Variants in LRRK1 observed in about 807,000 individuals in gnomAD.
LRRK1 encodes the protein leucine-rich repeat serine/threonine-protein kinase 1.
Under a neutral mutation model 209.1 loss-of-function variants are expected in LRRK1, and 113 were observed. The ratio of observed to expected loss-of-function variants is 0.54; its 90% confidence interval spans 0.46 to 0.63. The LOEUF (loss-of-function observed/expected upper bound fraction) is 0.63. LRRK1 is among the 30% of genes least tolerant of loss of function. The pLI is 0.00. For synonymous variants in LRRK1, 1,144 were observed against 1,099.7 expected (o/e 1.04, Z -0.80); for missense variants, 2,284 against 2,632.2 (o/e 0.87, Z 2.89).
intron 20 of LRRK1, among the ~76,000 whole-genome samples, chr15:101,043,429 T>G (rs2141118740): frequency 8.3e-6 from 1 of 119,836 alleles, no homozygotes; most frequent in African/African-American, 2.9e-5. Flanking sequence ...TCCTTAACTT[T>G]GGTCCATGAG....
chr15:100,921,496 G>T (rs2060213936), intron 1 of LRRK1, among the ~76,000 whole-genome samples: 1 of 152,240 alleles, frequency 6.6e-6, no homozygotes, highest in African/African-American at 2.4e-5. Flanking sequence ...GGAACTAGGT[G>T]ATATGAATGA....
chr15:100,936,040 G>A (rs2042293318), intron 2 of LRRK1, among the ~76,000 whole-genome samples: 1 of 152,194 alleles, frequency 6.6e-6, no homozygotes, highest in Non-Finnish European at 1.5e-5. Context: ...ACAAGTCAAA[G>A]GCCAGTCCAG....
chr15:101,001,692 G>A (rs546548606), intron 6 of LRRK1, among the ~76,000 whole-genome samples: 71 of 152,320 alleles, frequency 4.7e-4, no homozygotes, highest in African/African-American at 1.6e-3. Flanking sequence ...CCATTGTAAC[G>A]TGTGTCTTCA....
intron 2 of LRRK1, among the ~76,000 whole-genome samples, chr15:100,952,543 T>C (rs1256178557): frequency 6.6e-6 from 1 of 152,238 alleles, no homozygotes; most frequent in African/African-American, 2.4e-5. Context: ...GATCTGATCA[T>C]ATATTTTTCC....
intron 10 of LRRK1, among the ~76,000 whole-genome samples, chr15:101,012,587 G>A (rs867496085): frequency 4.6e-5 from 7 of 152,310 alleles, no homozygotes; most frequent in Middle Eastern, 6.8e-3. Flanking sequence ...ACCCCAGAAG[G>A]GGCCCCATCA....
chr15:100,936,688 C>A (rs2042305878), intron 2 of LRRK1, among the ~76,000 whole-genome samples: 1 of 152,146 alleles, frequency 6.6e-6, no homozygotes, highest in African/African-American at 2.4e-5. Flanking sequence ...TTCTATGGGG[C>A]AACTTGGGGT....
In LRRK1 at chr15:101,074,338, G is replaced by C. The variant is rs1037037756; in HGVS notation, c.*5490G>C. The C allele has an allele frequency of 6.6e-6, 1 of 151,912 alleles. No individual in the cohort carries two copies. The highest frequency in any genetic ancestry group is 1.5e-5 in the Non-Finnish European group (1 of 68,010). 9.4% of individuals were successfully genotyped at this position (151,912 alleles called of 1,614,324 possible). ...GGCTTACAGTTTCCTTCCGTGACTA[G>C]CCCTCCCCTACCTGCCCAGCAATTT... On this transcript the variant is annotated 3_prime_UTR_variant, in exon 34 of 34. Coordinates refer to ENST00000388948, the MANE Select transcript of LRRK1 (RefSeq NM_024652.6).
At chr15:100,986,116 G>A (rs781236386) in intron 4 of LRRK1, among the ~76,000 whole-genome samples, 16 of 152,166 alleles carry the variant, frequency 1.1e-4, no homozygotes, top group Non-Finnish European at 8.8e-5. Flanking sequence ...TGAAGTGGGA[G>A]AATGGCTTAA....
At chr15:100,969,586 C>G (rs2030724348) in intron 2 of LRRK1, among the ~76,000 whole-genome samples, 1 of 151,986 alleles carries the variant, frequency 6.6e-6, no homozygotes. Context: ...CTGCACAGAT[C>G]ATCCCATCAG....
rs1267100327 is a variant in LRRK1 at position 101,026,066 on chromosome 15, G to A, written c.2334G>A (p.Val778=). 1 of 1,614,136 alleles carries A rather than the reference G, an allele frequency of 6.2e-7. No individual in the cohort carries two copies. The highest frequency in any genetic ancestry group is 2.2e-5 in the East Asian group (1 of 44,898). The change falls in exon 17 of 34, where the codon GTG becomes GTA. Residue 778 remains valine (V), a synonymous_variant. Coordinates refer to ENST00000388948, the MANE Select transcript of LRRK1 (RefSeq NM_024652.6). The part of the protein sequence containing the change: ...VERIATLRAY[V]LALCRSPSGS... ...GGATTGCAACGCTGCGTGCCTATGT[G>A]CTGGCACTCTGCCGCTCCCCCTCCG...
chr15:100,951,854 AG>A, intron 2 of LRRK1, among the ~76,000 whole-genome samples: 1 of 152,110 alleles, frequency 6.6e-6, no homozygotes, highest in Non-Finnish European at 1.5e-5. Context: ...TAGGAGGCTG[AG>A]GCAGGAGAAT....
intron 20 of LRRK1, among the ~76,000 whole-genome samples, chr15:101,033,594 C>T (rs2034373575): frequency 6.6e-6 from 1 of 152,176 alleles, no homozygotes; most frequent in Non-Finnish European, 1.5e-5. Context: ...CTGCAAATGA[C>T]ATGATTTCAT....
intron 30 of LRRK1, 85 bp from the exon 31 acceptor site, chr15:101,062,489 C>T: frequency 1.1e-6 from 1 of 937,892 alleles, no homozygotes; most frequent in Non-Finnish European, 1.8e-6. Flanking sequence ...ATCCCCAAGT[C>T]CAAGTGCATC....
intron 2 of LRRK1, among the ~76,000 whole-genome samples, chr15:100,936,467 C>T (rs1003090191): frequency 7.9e-5 from 12 of 152,208 alleles, no homozygotes; most frequent in African/African-American, 2.9e-4. Flanking sequence ...AGGGAATAGG[C>T]TTTATTAAGA....
chr15:100,959,044 CAG>C (rs2042819580), intron 2 of LRRK1, among the ~76,000 whole-genome samples: 1 of 152,256 alleles, frequency 6.6e-6, no homozygotes, highest in South Asian at 2.1e-4. Flanking sequence ...CTGAAGTGAC[CAG>C]ACCTTAGGGA....
chr15:100,965,640 C>T lies in LRRK1; in HGVS notation c.98-8164C>T, dbSNP rs554781090. Among the ~76,000 whole-genome samples the T allele has an allele frequency of 9.2e-5, 14 of 152,306 alleles. No individual in the cohort carries two copies. In the East Asian group the frequency reaches 2.5e-3, roughly 27 times the overall value. The stretch of plus-strand genomic sequence containing the variant: ...GCATTTATAATTTCATTTTCCCTAA[C>T]CAGTTCCTACTTCTAACCACTGCCT... On this transcript the variant is annotated intron_variant, in intron 2 of 33. Coordinates refer to ENST00000388948, the MANE Select transcript of LRRK1 (RefSeq NM_024652.6).
intron 3 of LRRK1, among the ~76,000 whole-genome samples, chr15:100,976,439 C>T (rs1305937764): frequency 2.6e-5 from 4 of 152,158 alleles, no homozygotes; most frequent in African/African-American, 7.2e-5. Context: ...TATTCAACTT[C>T]GTTAATGCGT....
chr15:100,961,888 G>A (rs367975429), intron 2 of LRRK1, among the ~76,000 whole-genome samples: 1 of 152,118 alleles, frequency 6.6e-6, no homozygotes, highest in Non-Finnish European at 1.5e-5. Context: ...TACAGCATCC[G>A]GCAGGACTCA....
At chr15:100,946,056 A>C (rs756567357) in intron 2 of LRRK1, among the ~76,000 whole-genome samples, 4 of 152,220 alleles carry the variant, frequency 2.6e-5, no homozygotes, top group Non-Finnish European at 5.9e-5. Context: ...TAAATATATC[A>C]GGCCTACCTA....
Sources: allele counts gnomAD v4.1 joint callset (sites outside exome capture counted in the v4.1 genomes callset), GRCh38; gene constraint gnomAD v4.1.1; transcripts MANE v1.5; gene names NCBI Gene and HGNC (gene_info 2026-07-23, HGNC 2026-07-21).